The following THOC2 variants were observed in gnomAD, a reference collection of about 807,000 sequenced individuals.
THOC2 encodes THO complex subunit 2, also known as THO complex 2.
Under a neutral mutation model 128.4 loss-of-function variants are expected in THOC2, and 10 were observed. The ratio of observed to expected loss-of-function variants is 0.08; its 90% CI spans 0.05 to 0.13. The LOEUF (loss-of-function observed/expected upper bound fraction) is 0.13. Among genes scored for constraint, THOC2 ranks in the 10% least tolerant of loss-of-function variants. The pLI is 1.00. For missense variants in THOC2, 535 were observed against 1,155.7 expected (o/e 0.46, Z 7.79); for synonymous variants, 393 against 396.9 (o/e 0.99, Z 0.12).
At chrX:123,693,656 T>C (rs1417581794) in intron 7 of THOC2, among the ~76,000 whole-genome samples, 1 of 111,180 alleles carries the variant, frequency 9.0e-6, no homozygotes, top group African/African-American at 3.3e-5. Context: ...TATTTATTTA[T>C]CACCTACATA....
At chrX:123,629,361 C>T (rs974197671) in intron 22 of THOC2, among the ~76,000 whole-genome samples, 6 of 109,504 alleles carry the variant, frequency 5.5e-5, no homozygotes, top group Middle Eastern at 4.7e-3. Context: ...ACCCTTCATA[C>T]GAACCTAAAG....
At chrX:123,716,880 T>C (rs958927544) in intron 1 of THOC2, among the ~76,000 whole-genome samples, 1 of 109,326 alleles carries the variant, frequency 9.1e-6, no homozygotes, top group African/African-American at 3.4e-5. Context: ...CACTCCAGCC[T>C]GGGCGACAGA....
chrX:123,644,426 C>T, intron 15 of THOC2, 149 bp downstream of exon 15: 1 of 346,278 alleles, frequency 2.9e-6, no homozygotes. Context: ...CCACAGTTAA[C>T]AGTCATTCCA....
chrX:123,641,470 T>A (rs1186192365), intron 15 of THOC2, among the ~76,000 whole-genome samples: 1 of 112,308 alleles, frequency 8.9e-6, no homozygotes, highest in Admixed American at 9.5e-5. Context: ...ATCAAAACTG[T>A]TTCATCAACT....
At chrX:123,716,855 G>A (rs921831206) in intron 1 of THOC2, among the ~76,000 whole-genome samples, 2 of 93,229 alleles carry the variant, frequency 2.1e-5, no homozygotes, top group African/African-American at 8.1e-5. Context: ...GCAGTGAGCC[G>A]AGATCTCACC....
chrX:123,626,463 A>G, intron 24 of THOC2, 58 bp downstream of exon 24: 1 of 1,082,005 alleles, frequency 9.2e-7, no homozygotes, highest in Non-Finnish European at 1.2e-6. Flanking sequence ...CTAAAGTTAT[A>G]ATGTTTTGTT....
chrX:123,604,841 G>A (rs1390020687), intron 38 of THOC2, among the ~76,000 whole-genome samples: 1 of 111,908 alleles, frequency 8.9e-6, no homozygotes, highest in Non-Finnish European at 1.9e-5. Context: ...AAGCATCCCA[G>A]AACTGCATTC....
intron 12 of THOC2, among the ~76,000 whole-genome samples, chrX:123,664,619 C>T (rs753677826): frequency 1.8e-5 from 2 of 112,076 alleles, no homozygotes; most frequent in Admixed American, 9.5e-5. Context: ...CAACACTGGC[C>T]ATCAGAGAAA....
At chrX:123,672,099 T>C (rs995544357) in intron 8 of THOC2, among the ~76,000 whole-genome samples, 7 of 111,531 alleles carry the variant, frequency 6.3e-5, no homozygotes, top group Non-Finnish European at 9.4e-5. Context: ...GTTCTGTTTA[T>C]ATGTGTGTTT....
intron 3 of THOC2, 56 bp downstream of exon 3, chrX:123,706,802 T>C: frequency 3.8e-6 from 2 of 520,164 alleles, no homozygotes; most frequent in Non-Finnish European, 5.8e-6. Context: ...GATCTTTGTG[T>C]CAAAGCAAAA....
At chrX:123,612,401 CATT>C (rs1275342356) in intron 36 of THOC2, among the ~76,000 whole-genome samples, 4 of 111,801 alleles carry the variant, frequency 3.6e-5, no homozygotes, top group African/African-American at 1.3e-4. Flanking sequence ...ACTTCAAAAA[CATT>C]ATGCTAAGTG....
At chrX:123,621,693 T>A in intron 30 of THOC2, 106 bp from the exon 31 acceptor site, 1 of 624,479 alleles carries the variant, frequency 1.6e-6, no homozygotes, top group Non-Finnish European at 2.3e-6. Flanking sequence ...TCAAAAATAC[T>A]AGAACTAAGG....
chrX:123,603,302 A>T (rs1045527920), intron 38 of THOC2: 2 of 164,958 alleles, frequency 1.2e-5, no homozygotes, highest in African/African-American at 6.2e-5. Flanking sequence ...TTTTACTAGA[A>T]GCCAAAATCC....
Position 123,668,277 on chromosome X carries a change from T to C in THOC2, c.899A>G (p.Lys300Arg). 8.3e-7 allele frequency: 1 copy of C among 1,202,383 alleles called. No individual in the cohort carries two copies. The highest frequency in any genetic ancestry group is 1.1e-6 in the Non-Finnish European group (1 of 891,159). The change falls in exon 10 of 39, where the codon AAA (lysine) becomes AGA (arginine). Residue 300 changes from lysine (K) to arginine (R), a missense_variant. Transcript: ENST00000245838. ...TTGCTTAGCTTCCGCAATTTCTCGTTTGTGTTCATCCATAATGCAATTATC... is the reference window on the plus strand; with the variant it reads ...TTGCTTAGCTTCCGCAATTTCTCGTCTGTGTTCATCCATAATGCAATTATC... ...PADNCIMDEH[K>R]REIAEAKQIV...
chrX:123,712,992 G>T, intron 1 of THOC2, 84 bp from the exon 2 acceptor site: 1 of 623,315 alleles, frequency 1.6e-6, no homozygotes. Flanking sequence ...CAACTGGCAA[G>T]TAAAAAAAAA....
intron 8 of THOC2, among the ~76,000 whole-genome samples, chrX:123,678,947 CT>C (rs2049634882): frequency 9.0e-6 from 1 of 110,985 alleles, no homozygotes; most frequent in Admixed American, 9.6e-5. Context: ...ATGATAAACT[CT>C]CTATCCTCCT....
intron 37 of THOC2, 107 bp from the exon 38 acceptor site, chrX:123,611,070 G>T: frequency 1.4e-6 from 1 of 691,046 alleles, no homozygotes. Flanking sequence ...GCTCTGACCA[G>T]CCTGGTAGCC....
intron 12 of THOC2, among the ~76,000 whole-genome samples, chrX:123,648,455 C>T (rs1471055771): frequency 1.8e-5 from 2 of 111,325 alleles, no homozygotes; most frequent in Admixed American, 9.5e-5. Flanking sequence ...GAACACCAGG[C>T]GAGACAGAAC....
intron 1 of THOC2, among the ~76,000 whole-genome samples, chrX:123,724,851 T>C (rs1323561214): frequency 9.0e-6 from 1 of 110,898 alleles, no homozygotes; most frequent in Non-Finnish European, 1.9e-5. Flanking sequence ...ACCAGCCTGG[T>C]AATATCACCT....
Sources: gnomAD v4.1 joint callset for allele counts (sites outside exome capture counted in the v4.1 genomes callset) on GRCh38, gnomAD v4.1.1 for gene constraint, MANE v1.5 for transcripts, NCBI Gene and HGNC (gene_info 2026-07-23, HGNC 2026-07-21) for gene names.